BACH2: variants seen among roughly 807,000 people sequenced by gnomAD.
BACH2 encodes the protein transcription regulator protein BACH2.
In BACH2, 5 loss-of-function variants were observed where a neutral mutation model predicts 61.8. That is an observed-to-expected ratio of 0.08 (90% CI 0.04 to 0.17). BACH2 has a LOEUF of 0.17. Ranked by LOEUF, BACH2 falls within the 10% of genes least tolerant of loss-of-function variation. The probability of loss-of-function intolerance (pLI) is 1.00; values close to 1 mark genes in which losing one functional copy is unlikely to be tolerated. For synonymous variants in BACH2, 446 were observed against 440.1 expected, an observed-to-expected ratio of 1.01 and a Z score of -0.17; for missense variants, 824 against 1,091.1, an observed-to-expected ratio of 0.76 and a Z score of 3.45.
intron 5 of BACH2, among the ~76,000 whole-genome samples, chr6:90,077,456 C>T (rs570686091): frequency 2.0e-5 from 3 of 152,166 alleles, no homozygotes; most frequent in South Asian, 2.1e-4. Context: ...ACTGGAGAAG[C>T]GGGTATCATT....
chr6:90,205,597 T>A (rs1296104807), intron 4 of BACH2, among the ~76,000 whole-genome samples: 1 of 152,168 alleles, frequency 6.6e-6, no homozygotes. Flanking sequence ...AGGCTGAGAA[T>A]CCCTGCTCCA....
chr6:90,030,317 C>A (rs1012965947), intron 5 of BACH2, among the ~76,000 whole-genome samples: 41 of 152,146 alleles, frequency 2.7e-4, no homozygotes, highest in African/African-American at 9.4e-4. Context: ...CAGCCCAGGC[C>A]TCTGCTGCCC....
In BACH2 at chr6:90,039,723, A is replaced by G. The variant is rs192736515; in HGVS notation, c.-12-30867T>C. 9.1e-4 allele frequency among the ~76,000 whole-genome samples: 139 copies of G among 152,302 alleles called. 1 individual carries two copies. In the Middle Eastern group the frequency reaches 0.01, roughly 11 times the overall value. ...ATCCATAGTCTTGCTAATAGATTAT[A>G]TTACCAAACTTAAAAACAAAACAAA... is the stretch of plus-strand genomic sequence containing the variant. On this transcript the variant is annotated intron_variant, in intron 5 of 8. Coordinates refer to ENST00000257749, the MANE Select transcript of BACH2 (RefSeq NM_021813.4).
intron 4 of BACH2, among the ~76,000 whole-genome samples, chr6:90,094,764 C>A (rs1782313751): frequency 6.6e-6 from 1 of 152,144 alleles, no homozygotes; most frequent in African/African-American, 2.4e-5. Flanking sequence ...TGACACCAGT[C>A]AGCCAATCTT....
intron 3 of BACH2, among the ~76,000 whole-genome samples, chr6:90,240,596 AGAG>A (rs1447440434): frequency 1.3e-5 from 2 of 152,254 alleles, no homozygotes; most frequent in Admixed American, 6.5e-5. Flanking sequence ...AAAGCAAATA[AGAG>A]GAGATGTACT....
chr6:90,030,249 C>T (rs574666193), intron 5 of BACH2, among the ~76,000 whole-genome samples: 1 of 152,096 alleles, frequency 6.6e-6, no homozygotes, highest in Non-Finnish European at 1.5e-5. Flanking sequence ...AAACAGCCAG[C>T]ACACAGGACC....
rs78347636 is a variant in BACH2, at chr6:90,026,378, A to G, written c.-12-17522T>C. The stretch of plus-strand genomic sequence containing the variant: ...TTTTCCAATGATAATTACTGTCAGA[A>G]GTTTGCCCACCAGGTCAGTGACAAT... On this transcript the variant is annotated intron_variant, in intron 5 of 8. Coordinates refer to ENST00000257749, the MANE Select transcript of BACH2 (RefSeq NM_021813.4). 1.1e-3 allele frequency among the ~76,000 whole-genome samples: 170 copies of G among 152,302 alleles called. 1 individual carries two copies. The highest frequency in any genetic ancestry group is 3.9e-3 in the African/African-American group (164 of 41,568).
In BACH2 at chr6:90,044,027, T is replaced by C. The variant is rs151157162; in HGVS notation, c.-12-35171A>G. On this transcript the variant is annotated intron_variant, in intron 5 of 8. Coordinates refer to ENST00000257749, the MANE Select transcript of BACH2 (RefSeq NM_021813.4). ...CAATATTGATGGAGTGTCTACCATG[T>C]ATAACACATGATGCCATGTACTGTT... 2.9e-3 allele frequency among the ~76,000 whole-genome samples: 441 copies of C among 152,312 alleles called. 6 individuals carry two copies. Among genetic ancestry groups the C allele is most frequent in the African/African-American group, 0.01 (420 of 41,582 alleles).
At chr6:90,283,397 A>C (rs1229913377) in intron 1 of BACH2, among the ~76,000 whole-genome samples, 1 of 147,648 alleles carries the variant, frequency 6.8e-6, no homozygotes, top group East Asian at 2.0e-4. Context: ...CTTTTTTGAG[A>C]TGGAGTTTCG....
At chr6:90,173,744 G>C (rs1165161948) in intron 4 of BACH2, among the ~76,000 whole-genome samples, 1 of 152,138 alleles carries the variant, frequency 6.6e-6, no homozygotes, top group Non-Finnish European at 1.5e-5. Context: ...TAGCTTTATT[G>C]TGGTAGTGGT....
At chr6:90,195,295 C>T (rs564891461) in intron 4 of BACH2, among the ~76,000 whole-genome samples, 9 of 152,244 alleles carry the variant, frequency 5.9e-5, no homozygotes, top group Admixed American at 1.3e-4. Context: ...TGACATTACA[C>T]CAAGAAGCAG....
chr6:90,049,175 A>G (rs1015513629), intron 5 of BACH2, among the ~76,000 whole-genome samples: 1 of 152,224 alleles, frequency 6.6e-6, no homozygotes, highest in Non-Finnish European at 1.5e-5. Context: ...CCAAGTTATT[A>G]TTTTAAGTTT....
chr6:90,240,720 C>T (rs1239635395), intron 3 of BACH2, among the ~76,000 whole-genome samples: 2 of 152,220 alleles, frequency 1.3e-5, no homozygotes, highest in East Asian at 3.9e-4. Context: ...TGCTTTGTGG[C>T]TTTCTTAGAG....
intron 4 of BACH2, among the ~76,000 whole-genome samples, chr6:90,173,417 A>G (rs958284001): frequency 6.6e-6 from 1 of 152,150 alleles, no homozygotes; most frequent in Non-Finnish European, 1.5e-5. Context: ...ATATCCATCA[A>G]CTTGTGAATA....
At position 89,951,577 on chromosome 6, in the gene BACH2, T is replaced by G. The variant is rs1231739428; in HGVS notation, c.529A>C (p.Lys177Gln). The G allele has an allele frequency of 1.9e-6, 3 of 1,614,168 alleles. No homozygotes were observed. The highest frequency in any genetic ancestry group is 1.1e-5 in the South Asian group (1 of 91,088). ...EEETMDSETAKMACPRDQMLP... is the reference protein window; with the variant it reads ...EEETMDSETAQMACPRDQMLP... ...ATCTGGTCCCTGGGGCAAGCCATCT[T>G]GGCCGTCTCTGAATCCATCGTCTCC... is the stretch of plus-strand genomic sequence containing the variant. The change falls in exon 7 of 9, where the codon AAG (lysine) becomes CAG (glutamine). Residue 177 changes from lysine to glutamine, a missense_variant. This residue lies in a region of BACH2 where 107 missense variants were observed against 121.7 expected (regional missense o/e 0.88). Transcript: ENST00000257749. The surrounding 1 kb of genome is among the most constrained non-coding windows in gnomAD (Gnocchi z 6.4).
chr6:90,265,439 T>C (rs1260326168), intron 2 of BACH2, among the ~76,000 whole-genome samples: 1 of 152,216 alleles, frequency 6.6e-6, no homozygotes, highest in Non-Finnish European at 1.5e-5. Flanking sequence ...CACTTTGATA[T>C]AAAAGTAACT....
At chr6:90,200,759 G>A (rs1768929213) in intron 4 of BACH2, among the ~76,000 whole-genome samples, 1 of 152,036 alleles carries the variant, frequency 6.6e-6, no homozygotes, top group Non-Finnish European at 1.5e-5. Context: ...TCAACATTCT[G>A]GGCAATAGCC....
chr6:90,166,719 G>A (rs1253531173), intron 4 of BACH2, among the ~76,000 whole-genome samples: 4 of 152,126 alleles, frequency 2.6e-5, no homozygotes, highest in African/African-American at 9.7e-5. Context: ...GGAATACTAT[G>A]CAGCCATAAA....
chr6:90,215,078 T>C (rs1437107232), intron 3 of BACH2, among the ~76,000 whole-genome samples: 1 of 152,130 alleles, frequency 6.6e-6, no homozygotes, highest in Admixed American at 6.5e-5. Context: ...ATTATCAGCA[T>C]CTCCTTAGTG....
Sources: allele counts gnomAD v4.1 joint callset (sites outside exome capture counted in the v4.1 genomes callset), GRCh38; gene constraint gnomAD v4.1.1; regional missense constraint gnomAD v4.1.1; non-coding constraint Gnocchi (gnomAD v3.1); transcripts MANE v1.5; gene names NCBI Gene and HGNC (gene_info 2026-07-23, HGNC 2026-07-21).